Variants in RBBP6 observed in about 807,000 individuals in gnomAD.
The protein encoded by RBBP6 is RB binding protein 6, ubiquitin ligase, also known as E3 ubiquitin-protein ligase RBBP6.
In RBBP6, 25 loss-of-function variants were observed where a neutral mutation model predicts 167.7. The observed-to-expected ratio is 0.15, with a 90% CI of 0.11 to 0.21. The LOEUF (loss-of-function observed/expected upper bound fraction) is 0.21, where lower values mean the gene tolerates loss of function less well. RBBP6 is among the 10% of genes least tolerant of loss of function. RBBP6 has a pLI of 1.00. For synonymous variants in RBBP6, 789 were observed against 735.8 expected, an observed-to-expected ratio of 1.07 and a Z score of -1.17; for missense variants, 1,868 against 2,134.2, an observed-to-expected ratio of 0.88 and a Z score of 2.46.
rs766346706 is a variant in RBBP6 at position 24,563,622 on chromosome 16, T to G, written c.1478T>G (p.Ile493Arg). The change falls in exon 13 of 18, where the codon ATA becomes AGA. Residue 493 changes from isoleucine to arginine, a missense_variant. Ile to Arg is a moderately conservative substitution (Grantham distance 97). Around this residue, in one of 7 missense-constraint regions of RBBP6, gnomAD observed 245 missense variants for 240.1 expected, o/e 1.02. Coordinates refer to ENST00000319715, the MANE Select transcript of RBBP6 (RefSeq NM_006910.5). ...TTTTTGTTTCTAGGTCCAGTAAGAA[T>G]AAATACTGCTCGTCCAGGTGGTGGT... is the stretch of plus-strand genomic sequence containing the variant. The part of the protein sequence containing the change: ...QLIPTTGPVR[I>R]NTARPGGGRP... 1.2e-6 allele frequency: 2 copies of G among 1,612,582 alleles called. No individual in the cohort carries two copies. The highest frequency in any genetic ancestry group is 1.7e-5 in the Admixed American group (1 of 59,802).
In RBBP6 at chr16:24,571,323, G is replaced by A. The variant is rs943409339; in HGVS notation, c.4257G>A (p.Arg1419=). 1.1e-5 allele frequency: 17 copies of A among 1,613,946 alleles called. No homozygotes were observed. The Admixed American group carries it at 2.3e-4, about 22-fold the overall frequency. The stretch of plus-strand genomic sequence containing the variant: ...TGGAAAAGGAGAACCCTGAAAAGAG[G>A]AAGAACAGCACTCAGCCAGAGAAAG... ...SVLEKENPEK[R]KNSTQPEKES... is the part of the protein sequence containing the mutation. The change falls in exon 18 of 18, where the codon AGG becomes AGA. Residue 1419 remains arginine, a synonymous_variant. Transcript: ENST00000319715.
rs372085146 is a variant in RBBP6, at chr16:24,563,513, C to G, written c.1465+12C>G. The G allele has an allele frequency of 4.3e-6, 7 of 1,612,666 alleles. No homozygotes were observed. The highest frequency in any genetic ancestry group is 5.1e-6 in the Non-Finnish European group (6 of 1,179,456). On this transcript the variant is annotated intron_variant, in intron 12 of 17. Transcript: ENST00000319715. ...GATCCCCACAACTGGTGAGTAAGAT[C>G]ACTTTGGTTTAGACCTTTTTCCCTT...
At chr16:24,558,959 T>C (rs1898984158) in intron 7 of RBBP6, among the ~76,000 whole-genome samples, 1 of 152,240 alleles carries the variant, frequency 6.6e-6, no homozygotes, top group Admixed American at 6.5e-5. Context: ...AATATTTCCC[T>C]TGAACTATCT....
intron 3 of RBBP6, among the ~76,000 whole-genome samples, chr16:24,551,708 C>T (rs1034923116): frequency 6.6e-6 from 1 of 151,334 alleles, no homozygotes. Flanking sequence ...TTTTTAGTTC[C>T]AGTGGTAAGA....
In RBBP6 at chr16:24,569,365, G is replaced by T; in HGVS notation, c.2675G>T (p.Arg892Leu). Residue 892 changes from arginine to leucine, a missense_variant, in exon 17 of 18, where the codon CGA becomes CTA. Coordinates refer to ENST00000319715, the MANE Select transcript of RBBP6 (RefSeq NM_006910.5). The part of the protein sequence containing the change: ...DYVGGQSHRS[R>L]NIGSNYPEKL... ...GTTGGTGGGCAAAGTCATAGAAGTC[G>T]AAACATAGGTAGCAACTATCCAGAA... 6.2e-7 allele frequency: 1 copy of T among 1,614,068 alleles called. No individual in the cohort carries two copies. The highest frequency in any genetic ancestry group is 2.2e-5 in the East Asian group (1 of 44,872).
intron 3 of RBBP6, chr16:24,549,247 CAGTTA>C: frequency 1.5e-6 from 2 of 1,324,726 alleles, no homozygotes; most frequent in South Asian, 4.3e-5. Context: ...CTGTGTTGTA[CAGTTA>C]ATGTATGATC....
At chr16:24,543,292 C>CTTTT (rs200408370) in intron 1 of RBBP6, among the ~76,000 whole-genome samples, 1 of 126,178 alleles carries the variant, frequency 7.9e-6, no homozygotes. Flanking sequence ...TCCCTTAAAT[C>CTTTT]TTTTTTTTTT....
intron 1 of RBBP6, among the ~76,000 whole-genome samples, chr16:24,542,489 C>G (rs1240979728): frequency 6.6e-6 from 1 of 150,740 alleles, no homozygotes; most frequent in Non-Finnish European, 1.5e-5. Flanking sequence ...AACAGAGTCT[C>G]ACTCTGTCAC....
Position 24,563,674 on chromosome 16 carries a change from T to A in RBBP6, c.1520+10T>A, listed in dbSNP as rs751820573. Reference sequence around the variant, plus strand: ...GACCAGGCTGGGAACAGTGAGTAGATGTTTACAATAATCTTCAGATGATTG... The same window carrying A: ...GACCAGGCTGGGAACAGTGAGTAGAAGTTTACAATAATCTTCAGATGATTG... On this transcript the variant is annotated intron_variant, in intron 13 of 17. Coordinates refer to ENST00000319715, the MANE Select transcript of RBBP6 (RefSeq NM_006910.5). The A allele has an allele frequency of 1.2e-6, 2 of 1,608,974 alleles. No homozygotes were observed. Among genetic ancestry groups the A allele is most frequent in the Non-Finnish European group, 1.7e-6 (2 of 1,177,442 alleles).
At chr16:24,546,082 ATTTATAT>A in intron 1 of RBBP6, 74 bp from the exon 2 acceptor site, 1 of 1,464,216 alleles carries the variant, frequency 6.8e-7, no homozygotes, top group South Asian at 1.4e-5. Context: ...TTCCCATGAA[ATTTATAT>A]TTGAAGTTTT....
rs1596496725 is a variant in RBBP6, at chr16:24,541,438, C to T, written c.166+646C>T. Among the ~76,000 whole-genome samples the T allele has an allele frequency of 5.3e-5, 8 of 152,196 alleles. 1 individual carries two copies. The highest frequency in any genetic ancestry group is 4.1e-4 in the South Asian group (2 of 4,826). ...TGTGTCAATTCCAGAATTAGTAATA[C>T]GGCAATTAAGTAGTTAAACTGTTAG... On this transcript the variant is annotated intron_variant, in intron 1 of 17. Coordinates refer to ENST00000319715, the MANE Select transcript of RBBP6 (RefSeq NM_006910.5).
At chr16:24,553,626 GT>G in intron 4 of RBBP6, 69 bp downstream of exon 4, 3 of 1,316,308 alleles carry the variant, frequency 2.3e-6, no homozygotes, top group Middle Eastern at 2.7e-4. Context: ...ATGTGGAACG[GT>G]TTTTTAAGAG....
At position 24,561,855 on chromosome 16, in the gene RBBP6, A is replaced by G. The variant is rs368305107; in HGVS notation, c.983A>G (p.Tyr328Cys). ...AVNNFKNETG[Y>C]TKRLRKQLPP... ...AATAACTTCAAAAATGAAACTGGCTATACAAAAAGACTACGAAAACAGTTA... is the reference window on the plus strand; with the variant it reads ...AATAACTTCAAAAATGAAACTGGCTGTACAAAAAGACTACGAAAACAGTTA... The change falls in exon 10 of 18, where the codon TAT becomes TGT. Residue 328 changes from tyrosine (Y) to cysteine (C), a missense_variant. Tyr to Cys is a radical substitution (Grantham distance 194, BLOSUM62 -2). This residue lies in a region of RBBP6 where 245 missense variants were observed against 240.1 expected (regional missense o/e 1.02). Transcript: ENST00000319715. 7 of 1,612,764 alleles carry G rather than the reference A, an allele frequency of 4.3e-6. No homozygotes were observed. In the East Asian group the frequency reaches 1.1e-4, roughly 26 times the overall value.
intron 4 of RBBP6, 152 bp from the exon 5 acceptor site, chr16:24,555,463 C>T: frequency 1.6e-6 from 1 of 627,942 alleles, no homozygotes; most frequent in Non-Finnish European, 2.8e-6. Context: ...TAAGGAATTC[C>T]CAAGTGCCTC....
At chr16:24,564,673 A>T in intron 13 of RBBP6, 124 bp from the exon 14 acceptor site, 1 of 1,262,902 alleles carries the variant, frequency 7.9e-7, no homozygotes, top group Non-Finnish European at 1.0e-6. Flanking sequence ...CAAATTTAAG[A>T]ACTGGGGAGT....
chr16:24,564,772 G>A, intron 13 of RBBP6, 25 bp from the exon 14 acceptor site: 1 of 1,609,972 alleles, frequency 6.2e-7, no homozygotes, highest in Non-Finnish European at 8.5e-7. Context: ...AAATACTTGA[G>A]CCTATTTTTT....
intron 3 of RBBP6, chr16:24,549,243 T>G: frequency 2.2e-6 from 3 of 1,333,692 alleles, no homozygotes; most frequent in Non-Finnish European, 2.9e-6. Flanking sequence ...GACACTGTGT[T>G]GTACAGTTAA....
intron 1 of RBBP6, 97 bp downstream of exon 1, chr16:24,540,889 G>A (rs528341817): frequency 2.8e-5 from 40 of 1,425,290 alleles, no homozygotes; most frequent in Non-Finnish European, 3.4e-5. Flanking sequence ...GTCTCTAGTG[G>A]GGACTGTTCG....
Position 24,569,122 on chromosome 16 carries a change from A to G in RBBP6, c.2432A>G (p.Tyr811Cys). ...CCACCACCATATGACATGAAAGCAT[A>G]TTATGGGAGAAGTGTTGACTTTAGA... is the stretch of plus-strand genomic sequence containing the variant. ...EVPPPYDMKA[Y>C]YGRSVDFRDP... Residue 811 changes from tyrosine to cysteine, a missense_variant, in exon 17 of 18, where the codon TAT becomes TGT. This residue lies in a region of RBBP6 where 673 missense variants were observed against 691.5 expected (regional missense o/e 0.97). Transcript: ENST00000319715. 1 of 1,613,216 alleles carries G rather than the reference A, an allele frequency of 6.2e-7. No individual in the cohort carries two copies. Among genetic ancestry groups the G allele is most frequent in the Non-Finnish European group, 8.5e-7 (1 of 1,179,766 alleles).
Sources: allele counts gnomAD v4.1 joint callset (sites outside exome capture counted in the v4.1 genomes callset), GRCh38; gene constraint gnomAD v4.1.1; regional missense constraint gnomAD v4.1.1; transcripts MANE v1.5; gene names NCBI Gene and HGNC (gene_info 2026-07-23, HGNC 2026-07-21).